The following DDHD1 variants were observed in gnomAD, a reference collection of about 807,000 sequenced individuals.
The protein encoded by DDHD1 is DDHD domain containing 1.
DDHD1 carries 49 observed loss-of-function variants against 96.4 expected under a neutral mutation model. The ratio of observed to expected loss-of-function variants is 0.51; its 90% CI spans 0.40 to 0.64. The LOEUF (loss-of-function observed/expected upper bound fraction) is 0.64, where lower values mean the gene tolerates loss of function less well. Among genes scored for constraint, DDHD1 ranks in the 30% least tolerant of loss-of-function variants. The probability of loss-of-function intolerance (pLI) is 0.00; values close to 1 mark genes in which losing one functional copy is unlikely to be tolerated. For synonymous variants in DDHD1, 442 were observed against 446.5 expected, an observed-to-expected ratio of 0.99 and a Z score of 0.13; for missense variants, 1,106 against 1,161.2, an observed-to-expected ratio of 0.95 and a Z score of 0.69.
chr14:53,123,537 G>A (rs749368753), intron 1 of DDHD1, among the ~76,000 whole-genome samples: 1 of 152,026 alleles, frequency 6.6e-6, no homozygotes, highest in African/African-American at 2.4e-5. Flanking sequence ...AATAAACTGT[G>A]GTATATTCAT....
chr14:53,096,035 T>G, intron 2 of DDHD1: 1 of 719,626 alleles, frequency 1.4e-6, no homozygotes, highest in Non-Finnish European at 1.7e-6. Flanking sequence ...AAAAAACTAA[T>G]AATTTCTATG....
chr14:53,147,399 T>C (rs1021537123), intron 1 of DDHD1, among the ~76,000 whole-genome samples: 1 of 152,210 alleles, frequency 6.6e-6, no homozygotes. Flanking sequence ...ACCACACTGA[T>C]TGCTCTAAGC....
At position 53,112,289 on chromosome 14, in the gene DDHD1, C is replaced by T. The variant is rs541342944; in HGVS notation, c.839-8433G>A. Among the ~76,000 whole-genome samples, 7 of 152,178 alleles carry T rather than the reference C, an allele frequency of 4.6e-5. No homozygotes were observed. In the South Asian group the frequency reaches 1.2e-3, roughly 27 times the overall value. Reference sequence around the variant, plus strand: ...AAAATTAGCTGGGCATGGTGGCACACTCCTGTAGTCCCAACTACTTGGGAG... The same window carrying T: ...AAAATTAGCTGGGCATGGTGGCACATTCCTGTAGTCCCAACTACTTGGGAG... On this transcript the variant is annotated intron_variant, in intron 1 of 12. Transcript: ENST00000673822.
In DDHD1 at chr14:53,152,449, G is replaced by A; in HGVS notation, c.650C>T (p.Ser217Phe). 1.2e-6 allele frequency: 2 copies of A among 1,613,372 alleles called. No individual in the cohort carries two copies. Among genetic ancestry groups the A allele is most frequent in the African/African-American group, 1.3e-5 (1 of 75,052 alleles). The change falls in exon 1 of 13, where the codon TCC becomes TTC. Residue 217 changes from serine to phenylalanine, a missense_variant. Coordinates refer to ENST00000673822, the MANE Select transcript of DDHD1 (RefSeq NM_001160148.2). The stretch of plus-strand genomic sequence containing the variant: ...GGAACTGGAGGCTGGGCCCGTGGGG[G>A]AGCACACATGGTCGCCGTCCCGGTC... ...GGDRDGDHVC[S>F]PTGPASSSGE...
intron 1 of DDHD1, among the ~76,000 whole-genome samples, chr14:53,136,520 C>T (rs979116792): frequency 9.2e-5 from 14 of 152,148 alleles, no homozygotes; most frequent in African/African-American, 3.4e-4. Flanking sequence ...AGAAGAGTTC[C>T]CTTTATTCTT....
At chr14:53,085,377 C>CAA (rs1218700297) in intron 4 of DDHD1, among the ~76,000 whole-genome samples, 1 of 152,114 alleles carries the variant, frequency 6.6e-6, no homozygotes, top group Non-Finnish European at 1.5e-5. Flanking sequence ...CAGTAGGGGC[C>CAA]AAAAGACACC....
chr14:53,128,289 AG>A (rs1415747010), intron 1 of DDHD1, among the ~76,000 whole-genome samples: 3 of 152,230 alleles, frequency 2.0e-5, no homozygotes, highest in African/African-American at 7.2e-5. Context: ...TAGTCCATCT[AG>A]GCTGCTGTAA....
rs75631214 is a variant in DDHD1, at chr14:53,062,760, G to A, written c.1766+183C>T. ...CAAAAGAATTTATTTTATGCTACAG[G>A]AAAATGCATGTAATTAGCATGAAAA... On this transcript the variant is annotated intron_variant, in intron 7 of 12. Coordinates refer to ENST00000673822, the MANE Select transcript of DDHD1 (RefSeq NM_001160148.2). Among the ~76,000 whole-genome samples, 456 of 152,234 alleles carry A rather than the reference G, an allele frequency of 3.0e-3. No individual in the cohort carries two copies. The highest frequency in any genetic ancestry group is 0.01 in the African/African-American group (435 of 41,544).
At chr14:53,072,776 A>G in intron 5 of DDHD1, 73 bp from the exon 6 acceptor site, 2 of 927,026 alleles carry the variant, frequency 2.2e-6, no homozygotes, top group South Asian at 3.6e-5. Flanking sequence ...AGTGAAGAAA[A>G]TTACGTTGCC....
intron 4 of DDHD1, among the ~76,000 whole-genome samples, chr14:53,090,992 A>T (rs905994246): frequency 1.4e-4 from 22 of 152,210 alleles, no homozygotes; most frequent in African/African-American, 4.8e-4. Flanking sequence ...GTTGCTGAGG[A>T]CATACTTTCT....
rs1318931375 is a variant in DDHD1, at chr14:53,073,752, G to T, written c.1385C>A (p.Thr462Asn). ...TTAAATAAATATACCTCCATCAAGA[G>T]TAAGTTTTGACCGCCACTCAACAGG... ...FLPVEWRSKL[T>N]LDGDTVDSIT... The change falls in exon 5 of 13, where the codon ACT becomes AAT. Residue 462 changes from threonine to asparagine, a missense_variant. Transcript: ENST00000673822. 1.9e-6 allele frequency: 3 copies of T among 1,607,148 alleles called. No homozygotes were observed. Among genetic ancestry groups the T allele is most frequent in the East Asian group, 2.2e-5 (1 of 44,568 alleles).
intron 1 of DDHD1, among the ~76,000 whole-genome samples, chr14:53,125,459 A>C (rs1889356691): frequency 6.6e-6 from 1 of 152,196 alleles, no homozygotes; most frequent in Non-Finnish European, 1.5e-5. Flanking sequence ...AGTTGTCTGA[A>C]TTTTCAGTGT....
chr14:53,068,719 C>A (rs1884258153), intron 6 of DDHD1, among the ~76,000 whole-genome samples: 1 of 152,150 alleles, frequency 6.6e-6, no homozygotes, highest in Non-Finnish European at 1.5e-5. Context: ...CTCAGGAATA[C>A]CCAGTTTAGG....
rs142357630 is a variant in DDHD1 at position 53,113,525 on chromosome 14, T to C, written c.839-9669A>G. On this transcript the variant is annotated intron_variant, in intron 1 of 12. Coordinates refer to ENST00000673822, the MANE Select transcript of DDHD1 (RefSeq NM_001160148.2). ...TGAGACCAATGCAGAAGGAGGGTGA[T>C]TTCTGCATTTCCAACTGAGGTGCCC... 6.4e-3 allele frequency among the ~76,000 whole-genome samples: 976 copies of C among 151,998 alleles called. 15 individuals are homozygous for C. Among genetic ancestry groups the C allele is most frequent in the African/African-American group, 0.022 (922 of 41,430 alleles).
chr14:53,068,025 T>C, intron 6 of DDHD1, among the ~76,000 whole-genome samples: 1 of 152,158 alleles, frequency 6.6e-6, no homozygotes, highest in East Asian at 1.9e-4. Flanking sequence ...TCTTCTATAA[T>C]CATAGTAATC....
intron 6 of DDHD1, among the ~76,000 whole-genome samples, chr14:53,067,603 G>A (rs891880412): frequency 4.6e-5 from 7 of 151,974 alleles, no homozygotes; most frequent in Admixed American, 1.3e-4. Flanking sequence ...GATTATAGGC[G>A]TGTGCCACCA....
At chr14:53,062,908 A>G (rs775710375) in intron 7 of DDHD1, 35 bp downstream of exon 7, 1 of 1,598,858 alleles carries the variant, frequency 6.3e-7, no homozygotes, top group Non-Finnish European at 8.5e-7. Flanking sequence ...CCATAAAGAC[A>G]TTTAAAAATT....
intron 4 of DDHD1, among the ~76,000 whole-genome samples, chr14:53,077,342 G>A (rs772090289): frequency 5.9e-5 from 9 of 152,062 alleles, no homozygotes; most frequent in Non-Finnish European, 1.2e-4. Flanking sequence ...TTGTTTATAG[G>A]CTTATACTTC....
chr14:53,086,484 T>A (rs549839467), intron 4 of DDHD1, among the ~76,000 whole-genome samples: 1 of 152,226 alleles, frequency 6.6e-6, no homozygotes, highest in South Asian at 2.1e-4. Context: ...CAGAAGAGAG[T>A]GGGGGCCAAT....
Sources: gnomAD v4.1 joint callset for allele counts (sites outside exome capture counted in the v4.1 genomes callset) on GRCh38, gnomAD v4.1.1 for gene constraint, MANE v1.5 for transcripts, NCBI Gene and HGNC (gene_info 2026-07-23, HGNC 2026-07-21) for gene names.